Variants in ZDHHC2 observed in about 807,000 individuals in gnomAD.
ZDHHC2 encodes zDHHC palmitoyltransferase 2, also known as palmitoyltransferase ZDHHC2.
Under a neutral mutation model 55.6 loss-of-function variants are expected in ZDHHC2, and 51 were observed. The ratio of observed to expected loss-of-function variants is 0.92; its 90% CI spans 0.73 to 1.16. ZDHHC2 has a LOEUF of 1.16. Among genes scored for constraint, ZDHHC2 ranks in the 50% most tolerant of loss-of-function variants. ZDHHC2 has a pLI of 0.00. For missense variants in ZDHHC2, 491 were observed against 442.4 expected, an observed-to-expected ratio of 1.11 and a Z score of -0.99; for synonymous variants, 199 against 152.9, an observed-to-expected ratio of 1.30 and a Z score of -2.22.
intron 11 of ZDHHC2, 94 bp from the exon 12 acceptor site, chr8:17,217,078 C>A: frequency 8.0e-7 from 1 of 1,254,950 alleles, no homozygotes; most frequent in Non-Finnish European, 1.1e-6. Flanking sequence ...CTTTGGAAGT[C>A]TACCAAGGGA....
rs1336354984 is a variant in ZDHHC2 at position 17,222,053 on chromosome 8, C to G, written c.*1832C>G. 7.2e-6 allele frequency: 1 copy of G among 138,898 alleles called. No homozygotes were observed. The highest frequency in any genetic ancestry group is 1.5e-5 in the Non-Finnish European group (1 of 64,926). The allele number at this position is 138,898 out of a possible 1,614,324, so 8.6% of individuals were successfully genotyped here. A position where few individuals can be genotyped will look rare whatever the true frequency, so the allele number is the denominator to read the frequency against. The stretch of plus-strand genomic sequence containing the variant: ...TGTGGACAGGATTCGATTAAGTATT[C>G]CCTCTTGTCAAACTGGAAGCTAGGG... On this transcript the variant is annotated 3_prime_UTR_variant, in exon 13 of 13. Transcript: ENST00000262096.
chr8:17,159,203 G>A (rs1348398513), intron 1 of ZDHHC2, among the ~76,000 whole-genome samples: 3 of 152,128 alleles, frequency 2.0e-5, no homozygotes, highest in African/African-American at 7.2e-5. Context: ...GGAAATACCA[G>A]CCCCCACCCT....
chr8:17,200,180 G>A (rs562277692), intron 6 of ZDHHC2, among the ~76,000 whole-genome samples: 92 of 152,270 alleles, frequency 6.0e-4, no homozygotes, highest in African/African-American at 2.1e-3. Context: ...TCCCGTACCT[G>A]CTGGCAGCTC....
intron 11 of ZDHHC2, 81 bp downstream of exon 11, chr8:17,215,430 T>G: frequency 9.6e-7 from 1 of 1,043,174 alleles, no homozygotes; most frequent in East Asian, 2.6e-5. Context: ...TCCATTATAC[T>G]ACCTACAGAT....
At chr8:17,203,270 G>A (rs1806905469) in intron 6 of ZDHHC2, among the ~76,000 whole-genome samples, 1 of 151,120 alleles carries the variant, frequency 6.6e-6, no homozygotes, top group African/African-American at 2.4e-5. Flanking sequence ...TTTTGAGATG[G>A]AGTTTTGCTC....
chr8:17,201,481 C>CTTTTTTTTTTTTTTTT (rs1171396792), intron 6 of ZDHHC2, among the ~76,000 whole-genome samples: 2 of 24,310 alleles, frequency 8.2e-5, no homozygotes, highest in East Asian at 1.2e-3. Context: ...CTCTCTCTCT[C>CTTTTTTTTTTTTTTTT]TTTTTTTTTT....
chr8:17,165,666 G>A (rs1359590662), intron 1 of ZDHHC2, among the ~76,000 whole-genome samples: 2 of 152,190 alleles, frequency 1.3e-5, no homozygotes, highest in East Asian at 3.9e-4. Context: ...ATTGGGGGAA[G>A]GAAAATGAAA....
At chr8:17,169,203 C>A (rs117044896) in intron 1 of ZDHHC2, among the ~76,000 whole-genome samples, 1 of 151,140 alleles carries the variant, frequency 6.6e-6, no homozygotes, top group Non-Finnish European at 1.5e-5. Context: ...CTAGAGGTAT[C>A]CATGAGATGT....
At chr8:17,180,664 C>T (rs918599280) in intron 1 of ZDHHC2, among the ~76,000 whole-genome samples, 4 of 152,276 alleles carry the variant, frequency 2.6e-5, no homozygotes, top group Non-Finnish European at 5.9e-5. Flanking sequence ...CGCTACAGCC[C>T]TAATGCTACT....
chr8:17,208,950 T>C (rs1807238531), intron 8 of ZDHHC2, among the ~76,000 whole-genome samples: 1 of 152,162 alleles, frequency 6.6e-6, no homozygotes, highest in African/African-American at 2.4e-5. Flanking sequence ...ATGCTAAGGA[T>C]CTTGCAAATG....
At chr8:17,188,116 C>T in intron 3 of ZDHHC2, among the ~76,000 whole-genome samples, 1 of 152,218 alleles carries the variant, frequency 6.6e-6, no homozygotes, top group Non-Finnish European at 1.5e-5. Flanking sequence ...TTATGTTTCT[C>T]TCATTTTAGT....
intron 1 of ZDHHC2, among the ~76,000 whole-genome samples, chr8:17,179,035 C>T (rs373138206): frequency 9.2e-5 from 14 of 152,170 alleles, no homozygotes; most frequent in African/African-American, 2.9e-4. Flanking sequence ...ACTGCAGCCT[C>T]GACCTCCTGT....
At chr8:17,188,502 T>C (rs1585686845) in intron 3 of ZDHHC2, among the ~76,000 whole-genome samples, 1 of 152,148 alleles carries the variant, frequency 6.6e-6, no homozygotes, top group African/African-American at 2.4e-5. Flanking sequence ...CTCATGGAAA[T>C]AATATATTTA....
rs1350918198 is a variant in ZDHHC2 at position 17,185,269 on chromosome 8, A to G, written c.157+454A>G. ...AAAATGCCAAATATGCTATATTTAA[A>G]TTAGCATATTTTATTCAATGATATC... On this transcript the variant is annotated intron_variant, in intron 2 of 12. Transcript: ENST00000262096. Among the ~76,000 whole-genome samples the G allele has an allele frequency of 3.9e-5, 6 of 152,366 alleles. No homozygotes were observed. The South Asian group carries it at 1.2e-3, about 32-fold the overall frequency.
chr8:17,190,756 A>ACCTGAGC (rs1486193713), intron 3 of ZDHHC2, among the ~76,000 whole-genome samples: 1 of 152,054 alleles, frequency 6.6e-6, no homozygotes, highest in East Asian at 1.9e-4. Flanking sequence ...TTTATGGGGT[A>ACCTGAGC]CCTGAGGTAT....
intron 1 of ZDHHC2, among the ~76,000 whole-genome samples, chr8:17,157,237 C>T (rs889307659): frequency 2.0e-5 from 3 of 152,174 alleles, no homozygotes; most frequent in Non-Finnish European, 4.4e-5. Context: ...TGGGCCCGGC[C>T]CCGAGCTGCG....
chr8:17,177,945 G>A (rs1805231849), intron 1 of ZDHHC2, among the ~76,000 whole-genome samples: 2 of 152,064 alleles, frequency 1.3e-5, no homozygotes, highest in African/African-American at 4.8e-5. Context: ...AGAAAATTCA[G>A]ATTAAGAAAA....
chr8:17,199,798 C>T (rs1272657653), intron 6 of ZDHHC2, among the ~76,000 whole-genome samples: 5 of 143,064 alleles, frequency 3.5e-5, no homozygotes, highest in Middle Eastern at 3.6e-3. Flanking sequence ...CTCGCTCTGT[C>T]GCCCAGGCTG....
intron 3 of ZDHHC2, among the ~76,000 whole-genome samples, chr8:17,191,248 T>C (rs1481281459): frequency 1.3e-5 from 2 of 151,792 alleles, no homozygotes; most frequent in African/African-American, 4.8e-5. Context: ...GCATGAGCCA[T>C]GGCACCTGGC....
Sources: gnomAD v4.1 joint callset for allele counts (sites outside exome capture counted in the v4.1 genomes callset) on GRCh38, gnomAD v4.1.1 for gene constraint, MANE v1.5 for transcripts, NCBI Gene and HGNC (gene_info 2026-07-23, HGNC 2026-07-21) for gene names.